Variants in DNAH9 observed in about 807,000 individuals in gnomAD.
The protein encoded by DNAH9 is DNAH9 variant protein.
A neutral mutation model predicts 471.6 loss-of-function variants in DNAH9; 345 were observed. The observed-to-expected ratio is 0.73, with a 90% CI of 0.67 to 0.80. The LOEUF is 0.80. Ranked by LOEUF, DNAH9 falls within the 30% of genes least tolerant of loss-of-function variation. The pLI is 0.00. For missense variants in DNAH9, 5,407 were observed against 5,609.2 expected (o/e 0.96, Z 1.15); for synonymous variants, 2,093 against 2,123.6 (o/e 0.99, Z 0.40).
intron 61 of DNAH9, among the ~76,000 whole-genome samples, chr17:11,923,222 C>A (rs921999946): frequency 1.3e-5 from 2 of 151,766 alleles, no homozygotes; most frequent in African/African-American, 4.8e-5. Context: ...ATTACAGGCA[C>A]CTCCCACCAC....
At chr17:11,941,752 T>C (rs1487228337) in intron 66 of DNAH9, among the ~76,000 whole-genome samples, 8 of 151,892 alleles carry the variant, frequency 5.3e-5, no homozygotes, top group African/African-American at 1.7e-4. Flanking sequence ...ATAGATTAGA[T>C]AGATGGATAG....
At chr17:11,686,564 T>C (rs1218654642) in intron 19 of DNAH9, among the ~76,000 whole-genome samples, 1 of 152,178 alleles carries the variant, frequency 6.6e-6, no homozygotes, top group Non-Finnish European at 1.5e-5. Flanking sequence ...TACACATCTA[T>C]GGGTTCCCTT....
Position 11,711,369 on chromosome 17 carries a change from T to C in DNAH9, c.5552+6184T>C, listed in dbSNP as rs531442964. Among the ~76,000 whole-genome samples, 3 of 152,272 alleles carry C rather than the reference T, an allele frequency of 2.0e-5. No individual in the cohort carries two copies. In the East Asian group the frequency reaches 5.8e-4, roughly 29 times the overall value. ...GAGTATATAATGTTATTTCTTTTGT[T>C]TTCAAAGTGACTAGTGGGCTTAATG... is the stretch of plus-strand genomic sequence containing the variant. On this transcript the variant is annotated intron_variant, in intron 26 of 68. Transcript: ENST00000262442.
rs753982960 is a variant in DNAH9 at position 11,923,841 on chromosome 17, A to C, written c.11777A>C (p.Asn3926Thr). 1 of 1,613,946 alleles carries C rather than the reference A, an allele frequency of 6.2e-7. No individual in the cohort carries two copies. Among genetic ancestry groups the C allele is most frequent in the Non-Finnish European group, 8.5e-7 (1 of 1,179,990 alleles). ...QGRKLGYTFN[N>T]QNFHNVSLGQ... ...AGAAAACTTGGATACACCTTCAACAATCAGAACTTTCACAACGTGTCTTTG... is the reference window on the plus strand; with the variant it reads ...AGAAAACTTGGATACACCTTCAACACTCAGAACTTTCACAACGTGTCTTTG... The change falls in exon 62 of 69, where the codon AAT becomes ACT. Residue 3926 changes from asparagine to threonine, a missense_variant. Physicochemically the swap from Asn to Thr is moderately conservative, Grantham distance 65. Coordinates refer to ENST00000262442, the MANE Select transcript of DNAH9 (RefSeq NM_001372.4).
At chr17:11,722,945 T>C (rs1369009016) in intron 27 of DNAH9, among the ~76,000 whole-genome samples, 1 of 152,196 alleles carries the variant, frequency 6.6e-6, no homozygotes, top group African/African-American at 2.4e-5. Context: ...AGCAGCCATA[T>C]TGTGGATACT....
chr17:11,933,039 C>G (rs1192196987), intron 64 of DNAH9, among the ~76,000 whole-genome samples: 1 of 152,162 alleles, frequency 6.6e-6, no homozygotes, highest in Non-Finnish European at 1.5e-5. Flanking sequence ...GTCTCCAGCC[C>G]TTGGGCCTGG....
At chr17:11,969,197 G>A (rs1342715287) in intron 68 of DNAH9, 103 bp from the exon 69 acceptor site, 21 of 997,462 alleles carry the variant, frequency 2.1e-5, no homozygotes, top group South Asian at 6.1e-5. Context: ...AGGCAGCCAT[G>A]TCAGTCCAGT....
At chr17:11,773,472 T>A (rs764598356) in intron 38 of DNAH9, among the ~76,000 whole-genome samples, 7 of 152,316 alleles carry the variant, frequency 4.6e-5, no homozygotes, top group Middle Eastern at 3.4e-3. Context: ...TAGAACAGTA[T>A]ATATAGCATG....
chr17:11,759,123 T>C (rs1403718306), intron 35 of DNAH9, among the ~76,000 whole-genome samples: 2 of 151,692 alleles, frequency 1.3e-5, no homozygotes, highest in East Asian at 3.9e-4. Context: ...TAAAATGTTT[T>C]TTAAAGTTTT....
intron 45 of DNAH9, among the ~76,000 whole-genome samples, chr17:11,820,715 A>G (rs1396340034): frequency 6.6e-6 from 1 of 150,652 alleles, no homozygotes; most frequent in Non-Finnish European, 1.5e-5. Flanking sequence ...CTGAGTTAAC[A>G]TATTTTCTTA....
At chr17:11,954,752 A>T (rs868747291) in intron 67 of DNAH9, among the ~76,000 whole-genome samples, 68 of 148,908 alleles carry the variant, frequency 4.6e-4, no homozygotes, top group African/African-American at 1.6e-3. Context: ...CCTGGGCAAC[A>T]CGGCAAGACT....
intron 39 of DNAH9, among the ~76,000 whole-genome samples, chr17:11,782,270 C>A (rs184484978): frequency 2.0e-5 from 3 of 152,202 alleles, no homozygotes; most frequent in African/African-American, 4.8e-5. Context: ...TTCATGGTCA[C>A]AAACCTTAAA....
At chr17:11,810,145 C>G (rs900115180) in intron 44 of DNAH9, 101 bp from the exon 45 acceptor site, 2 of 1,401,328 alleles carry the variant, frequency 1.4e-6, no homozygotes, top group African/African-American at 2.9e-5. Context: ...AATTCCCATT[C>G]AAGCAGAGAA....
At chr17:11,834,486 G>A in intron 48 of DNAH9, 152 bp from the exon 49 acceptor site, 1 of 900,790 alleles carries the variant, frequency 1.1e-6, no homozygotes, top group Non-Finnish European at 1.6e-6. Flanking sequence ...CCATCTGACA[G>A]CGCAGCTTTG....
At chr17:11,723,532 G>C (rs779376184) in intron 27 of DNAH9, 6 of 152,108 alleles carry the variant, frequency 3.9e-5, no homozygotes, top group East Asian at 3.9e-4. Context: ...GCCCTGGGGT[G>C]GGGGGGAGAA....
intron 4 of DNAH9, chr17:11,612,607 C>G (rs898903671): frequency 6.6e-6 from 1 of 152,172 alleles, no homozygotes; most frequent in Non-Finnish European, 1.5e-5. Context: ...ATTTGAGCAC[C>G]AGACAAGATC....
At chr17:11,889,155 AT>A (rs1352843254) in intron 57 of DNAH9, among the ~76,000 whole-genome samples, 1 of 152,222 alleles carries the variant, frequency 6.6e-6, no homozygotes, top group African/African-American at 2.4e-5. Flanking sequence ...TCTCCTGCAG[AT>A]TGATGGGAGG....
At position 11,679,893 on chromosome 17, in the gene DNAH9, G is replaced by T. The variant is rs2074105555; in HGVS notation, c.3490G>T (p.Glu1164Ter). Residue 1164 changes from glutamate to a stop codon, truncating the protein, a stop_gained, in exon 18 of 69, where the codon GAG (glutamate) becomes TAG (stop). Transcript: ENST00000262442. LOFTEE classifies it high-confidence loss of function. ...TAAAGAACGGCAGAGTAACACTGAT[G>T]AGATGTTTGAGCCCTTAAAGCAGAC... ...AVKERQSNTD[E>*]MFEPLKQTIE... 1 of 1,613,996 alleles carries T rather than the reference G, an allele frequency of 6.2e-7. No homozygotes were observed. The highest frequency in any genetic ancestry group is 1.7e-5 in the Admixed American group (1 of 60,000).
At chr17:11,710,053 G>C (rs1354985173) in intron 26 of DNAH9, among the ~76,000 whole-genome samples, 1 of 152,108 alleles carries the variant, frequency 6.6e-6, no homozygotes, top group African/African-American at 2.4e-5. Flanking sequence ...GAAAATAAAA[G>C]TCACCCATAG....
Sources: allele counts gnomAD v4.1 joint callset (sites outside exome capture counted in the v4.1 genomes callset), GRCh38; gene constraint gnomAD v4.1.1; transcripts MANE v1.5; gene names NCBI Gene and HGNC (gene_info 2026-07-23, HGNC 2026-07-21).